MGAM2: variants seen among roughly 807,000 people sequenced by gnomAD.
MGAM2 encodes the protein probable maltase-glucoamylase 2.
MGAM2 carries 98 observed loss-of-function variants against 96.1 expected under a neutral mutation model. That is an observed-to-expected ratio of 1.02 (90% CI 0.87 to 1.21). MGAM2 has a LOEUF of 1.21. MGAM2 is among the 50% of genes most tolerant of loss of function. The pLI, the probability that MGAM2 is intolerant of heterozygous loss-of-function variation, is 0.00. For missense variants in MGAM2, 2,055 were observed against 1,182.4 expected, an observed-to-expected ratio of 1.74 and a Z score of -10.82; for synonymous variants, 749 against 414.8, an observed-to-expected ratio of 1.81 and a Z score of -9.79.
chr7:142,125,583 T>C (rs547569412), intron 3 of MGAM2, among the ~76,000 whole-genome samples: 12 of 152,262 alleles, frequency 7.9e-5, no homozygotes, highest in Admixed American at 6.5e-4. Flanking sequence ...TTTTGTTATC[T>C]GAAGACAATG....
At chr7:142,173,200 T>A (rs9986803) in intron 30 of MGAM2, 29 bp from the exon 31 acceptor site, 326,553 of 701,640 alleles carry the variant, frequency 0.47, 79,493 homozygotes, top group African/African-American at 0.68. Flanking sequence ...TAAGAAATCT[T>A]TCTGGATGCA....
rs1448099555 is a variant in MGAM2 at position 142,221,691 on chromosome 7, A to G, written c.7180A>G (p.Thr2394Ala). 7.0e-6 allele frequency: 3 copies of G among 428,744 alleles called. No individual in the cohort carries two copies. The highest frequency in any genetic ancestry group is 8.2e-6 in the Non-Finnish European group (2 of 243,292). The allele number at this position is 428,744 out of a possible 1,614,324, so 26.6% of individuals were successfully genotyped here. ...ITQFATPHSA[T>A]TTTLALSHTS... ...ACAGTTCGCTACTCCCCATTCTGCT[A>G]CTACTACAACACTGGCCTTAAGCCA... Residue 2394 changes from threonine (T) to alanine (A), a missense_variant, in exon 48 of 48, where the codon ACT (threonine) becomes GCT (alanine). Physicochemically the swap from Thr to Ala is moderately conservative, Grantham distance 58. Transcript: ENST00000477922.
intron 3 of MGAM2, among the ~76,000 whole-genome samples, chr7:142,124,054 C>G (rs765951035): frequency 6.9e-6 from 1 of 144,612 alleles, no homozygotes; most frequent in Admixed American, 7.0e-5. Flanking sequence ...CTCACTGCAA[C>G]CTCCACCTCC....
rs201187870 is a variant in MGAM2, at chr7:142,169,431, T to TA, written c.3028-635dup. Among the ~76,000 whole-genome samples the TA allele has an allele frequency of 8.9e-4, 134 of 150,432 alleles. 2 individuals carry two copies. In the East Asian group the frequency reaches 0.019, roughly 21 times the overall value. On this transcript the variant is annotated intron_variant, in intron 26 of 47. Coordinates refer to ENST00000477922, the MANE Select transcript of MGAM2 (RefSeq NM_001293626.2). The stretch of plus-strand genomic sequence containing the variant: ...GTGAGAATCCATCTAAAAATAAAAA[T>TA]AAAAAAAAAGAAAGAAGAAAACCTT...
At chr7:142,188,389 A>C (rs1035409387) in intron 36 of MGAM2, among the ~76,000 whole-genome samples, 2 of 152,114 alleles carry the variant, frequency 1.3e-5, no homozygotes, top group African/African-American at 4.8e-5. Context: ...AGGATTGTTT[A>C]AGACCAGGAG....
At chr7:142,213,936 A>G (rs1053140939) in intron 46 of MGAM2, among the ~76,000 whole-genome samples, 1 of 152,168 alleles carries the variant, frequency 6.6e-6, no homozygotes, top group Non-Finnish European at 1.5e-5. Flanking sequence ...GGCAAACCGA[A>G]TCCAGCAGCA....
chr7:142,180,640 T>A (rs1334426962), intron 32 of MGAM2, among the ~76,000 whole-genome samples: 3 of 152,182 alleles, frequency 2.0e-5, no homozygotes, highest in Non-Finnish European at 2.9e-5. Context: ...TTCCAAATAA[T>A]TTTTTGTTTC....
At chr7:142,159,420 T>C in intron 20 of MGAM2, 77 bp downstream of exon 20, 1 of 687,192 alleles carries the variant, frequency 1.5e-6, no homozygotes, top group Non-Finnish European at 2.6e-6. Context: ...TCTTGGGAGC[T>C]TGCCATAGAA....
At chr7:142,204,724 T>C (rs1797344190) in intron 45 of MGAM2, among the ~76,000 whole-genome samples, 1 of 152,076 alleles carries the variant, frequency 6.6e-6, no homozygotes, top group African/African-American at 2.4e-5. Flanking sequence ...ATTCTAAACA[T>C]TTAATATGAG....
intron 4 of MGAM2, 135 bp downstream of exon 4, chr7:142,131,206 G>T: frequency 1.6e-6 from 1 of 618,776 alleles, no homozygotes; most frequent in Non-Finnish European, 2.9e-6. Context: ...TCGAGAGGCT[G>T]ACGTGGGTGG....
intron 34 of MGAM2, among the ~76,000 whole-genome samples, chr7:142,185,611 A>G (rs899019871): frequency 6.6e-6 from 1 of 152,048 alleles, no homozygotes; most frequent in African/African-American, 2.4e-5. Flanking sequence ...CCTTCATCTC[A>G]TTTGAATAGT....
At chr7:142,201,352 G>A (rs995716414) in intron 45 of MGAM2, among the ~76,000 whole-genome samples, 1 of 152,034 alleles carries the variant, frequency 6.6e-6, no homozygotes, top group Non-Finnish European at 1.5e-5. Context: ...TTACAGGTAT[G>A]AGCCACCGTT....
rs1328214008 is a variant in MGAM2, at chr7:142,158,316, C to T, written c.2147C>T (p.Thr716Met). 10 of 702,786 alleles carry T rather than the reference C, an allele frequency of 1.4e-5. No homozygotes were observed. The highest frequency in any genetic ancestry group is 2.6e-5 in the Non-Finnish European group (10 of 384,984). 43.5% of individuals were successfully genotyped at this position (702,786 alleles called of 1,614,324 possible). ...QFLWGPGLLI[T>M]PVLYEGVDEV... is the part of the protein sequence containing the mutation. ...TTATGGGGACCTGGACTCCTCATCA[C>T]GCCTGTTTTATATGAAGTATGTTTA... The change falls in exon 19 of 48, where the codon ACG becomes ATG. Residue 716 changes from threonine (T) to methionine (M), a missense_variant. Transcript: ENST00000477922.
chr7:142,174,027 C>G (rs953687486), intron 31 of MGAM2, among the ~76,000 whole-genome samples: 1 of 152,038 alleles, frequency 6.6e-6, no homozygotes, highest in Non-Finnish European at 1.5e-5. Flanking sequence ...TATTATTTGC[C>G]ATTGATTTAT....
At chr7:142,119,216 C>T (rs542358275) in intron 2 of MGAM2, among the ~76,000 whole-genome samples, 3 of 151,482 alleles carry the variant, frequency 2.0e-5, no homozygotes, top group Non-Finnish European at 1.5e-5. Flanking sequence ...TAAAGAAATA[C>T]TACAAATCCA....
In MGAM2 at chr7:142,140,869, A is replaced by C. The variant is rs1414840795; in HGVS notation, c.1154A>C (p.Tyr385Ser). The change falls in exon 11 of 48, where the codon TAC becomes TCC. Residue 385 changes from tyrosine (Y) to serine (S), a missense_variant. Coordinates refer to ENST00000477922, the MANE Select transcript of MGAM2 (RefSeq NM_001293626.2). ...KKDFTVDEVAYSGLPDFVKEL... is the reference protein window; with the variant it reads ...KKDFTVDEVASSGLPDFVKEL... Reference sequence around the variant, plus strand: ...GATTTCACTGTTGATGAAGTCGCTTACTCTGGTCTCCCAGATTTTGTCAAG... The same window carrying C: ...GATTTCACTGTTGATGAAGTCGCTTCCTCTGGTCTCCCAGATTTTGTCAAG... 1.4e-6 allele frequency: 1 copy of C among 702,978 alleles called. No individual in the cohort carries two copies. The highest frequency in any genetic ancestry group is 2.7e-5 in the East Asian group (1 of 37,264). The allele number at this position is 702,978 out of a possible 1,614,324, so 43.5% of individuals were successfully genotyped here.
At chr7:142,128,348 C>CA (rs1794785276) in intron 3 of MGAM2, among the ~76,000 whole-genome samples, 3 of 152,188 alleles carry the variant, frequency 2.0e-5, no homozygotes, top group African/African-American at 7.2e-5. Flanking sequence ...CCTGATGATG[C>CA]AATAGAAAAG....
chr7:142,160,369 C>G (rs1795853455), intron 21 of MGAM2, 111 bp downstream of exon 21: 1 of 571,138 alleles, frequency 1.8e-6, no homozygotes. Flanking sequence ...ATAAGTCACC[C>G]ATCAGTAATC....
intron 35 of MGAM2, 61 bp downstream of exon 35, chr7:142,186,184 G>T: frequency 1.5e-6 from 1 of 686,922 alleles, no homozygotes; most frequent in Non-Finnish European, 2.6e-6. Flanking sequence ...TCAAAACATG[G>T]GGAGGAGAGA....
Sources: gnomAD v4.1 joint callset for allele counts (sites outside exome capture counted in the v4.1 genomes callset) on GRCh38, gnomAD v4.1.1 for gene constraint, MANE v1.5 for transcripts, NCBI Gene and HGNC (gene_info 2026-07-23, HGNC 2026-07-21) for gene names.